Variants in FGGY observed in about 807,000 individuals in gnomAD.
FGGY encodes FGGY carbohydrate kinase domain-containing protein.
In FGGY, 72 loss-of-function variants were observed where a neutral mutation model predicts 71.3. The observed-to-expected ratio is 1.01, with a 90% CI of 0.84 to 1.23. The LOEUF is 1.23. Ranked by LOEUF, FGGY falls within the 50% of genes most tolerant of loss-of-function variation. The pLI is 0.00. For synonymous variants in FGGY, 251 were observed against 250.3 expected, an observed-to-expected ratio of 1.00 and a Z score of -0.02; for missense variants, 668 against 682.3, an observed-to-expected ratio of 0.98 and a Z score of 0.23.
intron 14 of FGGY, among the ~76,000 whole-genome samples, chr1:59,693,355 C>T (rs905491482): frequency 2.6e-5 from 4 of 152,220 alleles, no homozygotes; most frequent in African/African-American, 9.7e-5. Flanking sequence ...TGTTACAAAC[C>T]TGTGGCTTAA....
intron 11 of FGGY, among the ~76,000 whole-genome samples, chr1:59,651,374 T>C (rs1384144537): frequency 1.3e-5 from 2 of 150,042 alleles, no homozygotes; most frequent in African/African-American, 5.0e-5. Flanking sequence ...CCATTATTAA[T>C]GCGTGGGAGT....
intron 8 of FGGY, among the ~76,000 whole-genome samples, chr1:59,579,960 G>A (rs926046489): frequency 6.6e-6 from 1 of 152,122 alleles, no homozygotes; most frequent in African/African-American, 2.4e-5. Context: ...ATTCTTTGCT[G>A]TTCATGTAAG....
At chr1:59,381,628 CGTGTGTGTGTGTGTGTGT>C (rs113981398) in intron 5 of FGGY, among the ~76,000 whole-genome samples, 9 of 143,206 alleles carry the variant, frequency 6.3e-5, no homozygotes, top group East Asian at 2.0e-4. Flanking sequence ...ATGTATAACT[CGTGTGTGTGTGTGTGTGT>C]GTGTGTGTGT....
At chr1:59,446,196 G>A (rs974804638) in intron 5 of FGGY, among the ~76,000 whole-genome samples, 1 of 151,946 alleles carries the variant, frequency 6.6e-6, no homozygotes, top group Non-Finnish European at 1.5e-5. Flanking sequence ...TGAATCCAGG[G>A]GCTTCATCAC....
At chr1:59,752,848 G>A (rs1422224711) in intron 14 of FGGY, among the ~76,000 whole-genome samples, 1 of 152,128 alleles carries the variant, frequency 6.6e-6, no homozygotes, top group East Asian at 1.9e-4. Flanking sequence ...TCATGGCCGT[G>A]GTACAGGGCC....
chr1:59,733,154 C>T (rs1273105883), intron 14 of FGGY: 2 of 154,366 alleles, frequency 1.3e-5, no homozygotes, highest in African/African-American at 4.8e-5. Context: ...CATGGAGTCC[C>T]CGGGCCTGTG....
chr1:59,587,964 T>G (rs2096342586), intron 8 of FGGY, among the ~76,000 whole-genome samples: 1 of 152,128 alleles, frequency 6.6e-6, no homozygotes. Flanking sequence ...TTTGACGAGT[T>G]GAGAGAAGGC....
chr1:59,560,701 A>G (rs1227233577), intron 8 of FGGY, among the ~76,000 whole-genome samples: 1 of 152,206 alleles, frequency 6.6e-6, no homozygotes, highest in Non-Finnish European at 1.5e-5. Context: ...CCTGCCTTCA[A>G]AGAGCTCAGG....
chr1:59,676,143 G>A (rs1405182343), intron 14 of FGGY, among the ~76,000 whole-genome samples: 1 of 151,994 alleles, frequency 6.6e-6, no homozygotes, highest in Admixed American at 6.6e-5. Flanking sequence ...TTTTGTTATA[G>A]TAGCCTGAGA....
intron 7 of FGGY, among the ~76,000 whole-genome samples, chr1:59,540,162 A>T (rs549903978): frequency 8.5e-5 from 13 of 152,354 alleles, no homozygotes; most frequent in African/African-American, 2.9e-4. Context: ...TCAAGCATTG[A>T]TGTGGAAATA....
intron 5 of FGGY, among the ~76,000 whole-genome samples, chr1:59,434,784 G>GCC (rs11383080): frequency 4.0e-5 from 6 of 151,558 alleles, no homozygotes; most frequent in African/African-American, 1.5e-4. Flanking sequence ...ACCTCCCAAA[G>GCC]CCCCCCCCAC....
At chr1:59,661,764 G>C (rs1167740822) in intron 12 of FGGY, among the ~76,000 whole-genome samples, 1 of 151,594 alleles carries the variant, frequency 6.6e-6, no homozygotes, top group Non-Finnish European at 1.5e-5. Flanking sequence ...TCTGTTGCCA[G>C]GCTGGAGTAG....
At chr1:59,747,096 T>C (rs2098204928) in intron 14 of FGGY, among the ~76,000 whole-genome samples, 1 of 152,230 alleles carries the variant, frequency 6.6e-6, no homozygotes, top group Non-Finnish European at 1.5e-5. Flanking sequence ...CTTCTCAGCC[T>C]CACATATCAG....
intron 7 of FGGY, among the ~76,000 whole-genome samples, chr1:59,527,880 CTT>C (rs1429579487): frequency 1.3e-5 from 2 of 152,036 alleles, no homozygotes; most frequent in Admixed American, 1.3e-4. Flanking sequence ...CTTAGAATGA[CTT>C]ATAGGTTTTT....
intron 14 of FGGY, among the ~76,000 whole-genome samples, chr1:59,690,150 G>A (rs2097577865): frequency 6.6e-6 from 1 of 152,154 alleles, no homozygotes; most frequent in Admixed American, 6.5e-5. Flanking sequence ...TCAATGACTA[G>A]GAAACAACAG....
At chr1:59,422,358 T>C (rs1388319789) in intron 5 of FGGY, among the ~76,000 whole-genome samples, 1 of 152,148 alleles carries the variant, frequency 6.6e-6, no homozygotes, top group Non-Finnish European at 1.5e-5. Context: ...AAAAAATGGA[T>C]GTGTCAAGTT....
chr1:59,683,545 A>C (rs1353653046), intron 14 of FGGY, among the ~76,000 whole-genome samples: 2 of 152,238 alleles, frequency 1.3e-5, no homozygotes, highest in Non-Finnish European at 2.9e-5. Context: ...GGCCTTGTCC[A>C]GCCCAGCCAG....
At chr1:59,468,837 A>ACTCCAGT (rs1395421501) in intron 6 of FGGY, among the ~76,000 whole-genome samples, 1 of 148,738 alleles carries the variant, frequency 6.7e-6, no homozygotes, top group Non-Finnish European at 1.5e-5. Flanking sequence ...GCACCACTGC[A>ACTCCAGT]CTCCAGTCTG....
chr1:59,565,500 G>A (rs2095860634), intron 8 of FGGY, among the ~76,000 whole-genome samples: 2 of 152,134 alleles, frequency 1.3e-5, no homozygotes, highest in African/African-American at 2.4e-5. Context: ...TAGCCAGGAT[G>A]GTCTCGATCT....
Sources: gnomAD v4.1 joint callset for allele counts (sites outside exome capture counted in the v4.1 genomes callset) on GRCh38, gnomAD v4.1.1 for gene constraint, MANE v1.5 for transcripts, NCBI Gene and HGNC (gene_info 2026-07-23, HGNC 2026-07-21) for gene names.